PCSK2: variants seen among roughly 807,000 people sequenced by gnomAD.
PCSK2 encodes the protein proprotein convertase subtilisin/kexin type 2.
PCSK2 carries 14 observed loss-of-function variants against 69.7 expected under a neutral mutation model. That is an observed-to-expected ratio of 0.20 (90% CI 0.13 to 0.31). The LOEUF is 0.31. PCSK2 is among the 10% of genes least tolerant of loss of function. The pLI is 1.00. For missense variants in PCSK2, 544 were observed against 842.5 expected, an observed-to-expected ratio of 0.65 and a Z score of 4.39; for synonymous variants, 307 against 320.7, an observed-to-expected ratio of 0.96 and a Z score of 0.46.
chr20:17,409,917 T>C (rs578260909), intron 6 of PCSK2, among the ~76,000 whole-genome samples: 5 of 152,354 alleles, frequency 3.3e-5, no homozygotes, highest in African/African-American at 9.6e-5. Flanking sequence ...ATGTGGTCTC[T>C]TTTTTCTTCA....
chr20:17,403,458 G>A (rs929462259), intron 5 of PCSK2, among the ~76,000 whole-genome samples: 1 of 152,210 alleles, frequency 6.6e-6, no homozygotes, highest in African/African-American at 2.4e-5. Flanking sequence ...AGGCGCAATA[G>A]CAAAATTCTT....
At chr20:17,348,788 A>G (rs755520609) in intron 2 of PCSK2, among the ~76,000 whole-genome samples, 1 of 152,206 alleles carries the variant, frequency 6.6e-6, no homozygotes, top group African/African-American at 2.4e-5. Context: ...TGATGACACC[A>G]GTTATATTGG....
chr20:17,317,596 C>T (rs1203201733), intron 2 of PCSK2, among the ~76,000 whole-genome samples: 1 of 152,178 alleles, frequency 6.6e-6, no homozygotes, highest in East Asian at 1.9e-4. Context: ...TGTTCCTCTC[C>T]ACCTCAATAC....
At chr20:17,357,152 A>G (rs2021934) in intron 2 of PCSK2, among the ~76,000 whole-genome samples, 114,116 of 152,160 alleles carry the variant, frequency 0.75, 43,054 homozygotes, top group African/African-American at 0.82. Flanking sequence ...CCAAGTGAAA[A>G]CAAGTTTCCT....
intron 2 of PCSK2, among the ~76,000 whole-genome samples, chr20:17,323,413 G>T (rs1000696532): frequency 6.6e-6 from 1 of 152,052 alleles, no homozygotes; most frequent in Non-Finnish European, 1.5e-5. Context: ...CAGAACTGTG[G>T]GCAAATAAAT....
intron 2 of PCSK2, among the ~76,000 whole-genome samples, chr20:17,299,777 C>T (rs912823677): frequency 1.3e-5 from 2 of 151,968 alleles, no homozygotes; most frequent in Non-Finnish European, 1.5e-5. Context: ...TGTAGTAATC[C>T]TATTTCTGTT....
chr20:17,435,986 A>T (rs953010815), intron 7 of PCSK2, among the ~76,000 whole-genome samples: 5 of 152,160 alleles, frequency 3.3e-5, no homozygotes, highest in Admixed American at 1.3e-4. Context: ...TGTGTCCCAC[A>T]CTATCCTGGA....
intron 2 of PCSK2, among the ~76,000 whole-genome samples, chr20:17,295,173 T>G (rs1054642947): frequency 6.6e-6 from 1 of 151,938 alleles, no homozygotes; most frequent in East Asian, 1.9e-4. Context: ...CTTCCCTGCA[T>G]TTTCAGTTGT....
rs77440936 is a variant in PCSK2, at chr20:17,449,958, CA to C, written c.886-3781del. 0.013 allele frequency among the ~76,000 whole-genome samples: 1,813 copies of C among 144,450 alleles called. 117 individuals carry two copies. In the East Asian group the frequency reaches 0.2, roughly 16 times the overall value. 94.8% of individuals were successfully genotyped at this position (144,450 alleles called of 152,430 possible). A position where few individuals can be genotyped will look rare whatever the true frequency, so the allele number is the denominator to read the frequency against. ...TCCTTCCATAGAGTTCAGAGAGGTT[CA>C]AAGCCTTATTTAGCACTTCCTTAGC... On this transcript the variant is annotated intron_variant, in intron 8 of 11. Transcript: ENST00000262545.
intron 7 of PCSK2, among the ~76,000 whole-genome samples, chr20:17,435,183 T>C (rs891000155): frequency 1.3e-5 from 2 of 152,204 alleles, no homozygotes; most frequent in African/African-American, 4.8e-5. Context: ...GGACCTGTTA[T>C]TTGTGTTGGG....
At chr20:17,438,064 C>T (rs1648126229) in intron 8 of PCSK2, among the ~76,000 whole-genome samples, 2 of 152,032 alleles carry the variant, frequency 1.3e-5, no homozygotes, top group African/African-American at 2.4e-5. Flanking sequence ...AGGTCACTGC[C>T]GTGTGTGGAG....
intron 10 of PCSK2, among the ~76,000 whole-genome samples, chr20:17,456,851 G>A (rs1383558596): frequency 5.3e-5 from 8 of 152,224 alleles, no homozygotes; most frequent in Non-Finnish European, 1.2e-4. Flanking sequence ...CCAGGCTGGT[G>A]TTTCAGAACA....
intron 11 of PCSK2, among the ~76,000 whole-genome samples, chr20:17,469,485 C>A (rs1600605003): frequency 6.6e-6 from 1 of 151,876 alleles, no homozygotes; most frequent in East Asian, 1.9e-4. Context: ...CCTTGTAAGC[C>A]CAGGAGGTGT....
intron 1 of PCSK2, 83 bp downstream of exon 1, chr20:17,227,565 C>A: frequency 1.9e-6 from 2 of 1,035,498 alleles, no homozygotes; most frequent in Non-Finnish European, 2.9e-6. Context: ...TGCAGATTTG[C>A]AAGTTTTCTC....
At chr20:17,230,423 A>G (rs898503538) in intron 1 of PCSK2, among the ~76,000 whole-genome samples, 1 of 152,238 alleles carries the variant, frequency 6.6e-6, no homozygotes, top group Non-Finnish European at 1.5e-5. Context: ...TTGAGAAGTT[A>G]AGTATCTGCT....
In PCSK2 at chr20:17,357,195, T is replaced by C. The variant is rs2030233056; in HGVS notation, c.283-1132T>C. Among the ~76,000 whole-genome samples the C allele has an allele frequency of 2.0e-5, 3 of 152,226 alleles. No homozygotes were observed. In the South Asian group the frequency reaches 6.2e-4, roughly 31 times the overall value. On this transcript the variant is annotated intron_variant, in intron 2 of 11. Coordinates refer to ENST00000262545, the MANE Select transcript of PCSK2 (RefSeq NM_002594.5). ...ACAAAGCCTAGCCATTGCCAGAAGC[T>C]GCTTGAACTAACTCAGCTCCTAAAT...
In PCSK2 at chr20:17,227,325, C is replaced by T. The variant is rs763886554; in HGVS notation, c.20C>T (p.Ser7Phe). The change falls in exon 1 of 12, where the codon TCC (serine) becomes TTC (phenylalanine). Residue 7 changes from serine to phenylalanine, a missense_variant. Physicochemically the swap from Ser to Phe is radical, Grantham distance 155 (BLOSUM62 -2). Around this residue, in one of 3 missense-constraint regions of PCSK2, gnomAD observed 157 missense variants for 155.0 expected, o/e 1.01. Transcript: ENST00000262545. ...AGAAGGATGAAGGGTGGTTGTGTCT[C>T]CCAGTGGAAGGCGGCCGCCGGGTTC... The part of the protein sequence containing the change: MKGGCV[S>F]QWKAAAGFLF... The T allele has an allele frequency of 6.2e-7, 1 of 1,613,880 alleles. No homozygotes were observed. The highest frequency in any genetic ancestry group is 2.2e-5 in the East Asian group (1 of 44,864).
chr20:17,371,960 G>C (rs561303515), intron 5 of PCSK2, among the ~76,000 whole-genome samples: 1 of 152,210 alleles, frequency 6.6e-6, no homozygotes, highest in Admixed American at 6.5e-5. Context: ...CTGGAAAAAA[G>C]AAAACAGGCA....
In PCSK2 at chr20:17,251,764, A is replaced by T. The variant is rs554324883; in HGVS notation, c.178-8476A>T. On this transcript the variant is annotated intron_variant, in intron 1 of 11. Coordinates refer to ENST00000262545, the MANE Select transcript of PCSK2 (RefSeq NM_002594.5). Reference sequence around the variant, plus strand: ...ATACTCATGAATGTGGGAATTTGTAATCCAGGCAGGGCACAGTGGAAATGG... The same window carrying T: ...ATACTCATGAATGTGGGAATTTGTATTCCAGGCAGGGCACAGTGGAAATGG... Among the ~76,000 whole-genome samples, 77 of 152,330 alleles carry T rather than the reference A, an allele frequency of 5.1e-4. 4 individuals are homozygous for T. In the South Asian group the frequency reaches 0.016, roughly 31 times the overall value.
Sources: allele counts gnomAD v4.1 joint callset (sites outside exome capture counted in the v4.1 genomes callset), GRCh38; gene constraint gnomAD v4.1.1; regional missense constraint gnomAD v4.1.1; transcripts MANE v1.5; gene names NCBI Gene and HGNC (gene_info 2026-07-23, HGNC 2026-07-21).